CHURC1: variants seen among roughly 807,000 people sequenced by gnomAD.
CHURC1 encodes churchill domain containing 1.
CHURC1 carries 12 observed loss-of-function variants against 15.4 expected under a neutral mutation model. That is an observed-to-expected ratio of 0.78 (90% CI 0.50 to 1.27). CHURC1 has a LOEUF of 1.27. CHURC1 is among the 50% of genes most tolerant of loss of function. The probability of loss-of-function intolerance (pLI) is 0.00; values close to 1 mark genes in which losing one functional copy is unlikely to be tolerated. For synonymous variants in CHURC1, 42 were observed against 47.5 expected (o/e 0.88, Z 0.48); for missense variants, 132 against 137.8 (o/e 0.96, Z 0.21).
intron 1 of CHURC1, among the ~76,000 whole-genome samples, chr14:64,917,108 G>T (rs1214381751): frequency 6.6e-6 from 1 of 152,216 alleles, no homozygotes; most frequent in Admixed American, 6.5e-5. Context: ...CAACAGTGGT[G>T]TAGGCATGAG....
chr14:64,926,366 T>C lies in CHURC1; in HGVS notation c.246+286T>C, dbSNP rs536947397. Among the ~76,000 whole-genome samples the C allele has an allele frequency of 2.6e-5, 4 of 152,220 alleles. No homozygotes were observed. In the South Asian group the frequency reaches 8.3e-4, roughly 32 times the overall value. Reference sequence around the variant, plus strand: ...CAGCCCCATGCCTTTCTTATATCTGTGCAAGTTGAGAGACAGACTTTAGAT... The same window carrying C: ...CAGCCCCATGCCTTTCTTATATCTGCGCAAGTTGAGAGACAGACTTTAGAT... On this transcript the variant is annotated intron_variant, in intron 3 of 3. Transcript: ENST00000549115.
intron 3 of CHURC1, among the ~76,000 whole-genome samples, chr14:64,931,294 G>T (rs966902605): frequency 2.6e-5 from 4 of 152,200 alleles, no homozygotes; most frequent in Non-Finnish European, 4.4e-5. Context: ...GTCACTTTGG[G>T]AGGCCAAGGT....
chr14:64,927,055 C>T (rs1023061754), intron 3 of CHURC1, among the ~76,000 whole-genome samples: 8 of 152,000 alleles, frequency 5.3e-5, no homozygotes, highest in Admixed American at 2.6e-4. Flanking sequence ...TTTTAACAGC[C>T]GAGAGAATTT....
intron 3 of CHURC1, among the ~76,000 whole-genome samples, chr14:64,929,464 C>T (rs1331991018): frequency 1.3e-5 from 2 of 152,292 alleles, no homozygotes; most frequent in South Asian, 2.1e-4. Context: ...CACAAGAACC[C>T]TCCATTCTCA....
Position 64,934,938 on chromosome 14 carries a change from TA to T in CHURC1, c.*2709del. 1.0e-6 allele frequency: 1 copy of T among 984,432 alleles called. No homozygotes were observed. Among genetic ancestry groups the T allele is most frequent in the East Asian group, 1.1e-4 (1 of 8,816 alleles). The allele number at this position is 984,432 out of a possible 1,614,324, so 61.0% of individuals were successfully genotyped here. A position where few individuals can be genotyped will look rare whatever the true frequency, so the allele number is the denominator to read the frequency against. On this transcript the variant is annotated 3_prime_UTR_variant, in exon 4 of 4. Coordinates refer to ENST00000549115, the MANE Select transcript of CHURC1 (RefSeq NM_001386928.1). Reference sequence around the variant, plus strand: ...ACCCACATTGTGCTGTGTTTTGTGATATTTTATCATTTTCTAGATTCTTATG... The same window carrying T: ...ACCCACATTGTGCTGTGTTTTGTGATTTTTATCATTTTCTAGATTCTTATG...
chr14:64,930,675 G>C, intron 3 of CHURC1: 1 of 360,820 alleles, frequency 2.8e-6, no homozygotes, highest in Non-Finnish European at 5.4e-6. Flanking sequence ...ACATTGCAGA[G>C]CATGTAGGCA....
intron 3 of CHURC1, among the ~76,000 whole-genome samples, chr14:64,931,237 A>G (rs1885060281): frequency 6.6e-6 from 1 of 152,206 alleles, no homozygotes; most frequent in African/African-American, 2.4e-5. Flanking sequence ...GGAAAGCTAT[A>G]AGAATAGGAC....
At position 64,933,494 on chromosome 14, in the gene CHURC1, A is replaced by G; in HGVS notation, c.*1264A>G. 1.0e-6 allele frequency: 1 copy of G among 984,858 alleles called. No individual in the cohort carries two copies. Among genetic ancestry groups the G allele is most frequent in the Non-Finnish European group, 1.2e-6 (1 of 829,356 alleles). The allele number at this position is 984,858 out of a possible 1,614,324, so 61.0% of individuals were successfully genotyped here. On this transcript the variant is annotated 3_prime_UTR_variant, in exon 4 of 4. Transcript: ENST00000549115. ...GCCATTTAGTAGCAGTATAGTCATT[A>G]AGCAAAGCATTACTCTGGACTTTAT...
rs1245588041 is a variant in CHURC1 at position 64,934,529 on chromosome 14, T to C, written c.*2299T>C. ...GACAGTACTCTGAGGCATCTGGGCA[T>C]GTCAGATGAAGATTTATTATTCAGA... is the stretch of plus-strand genomic sequence containing the variant. On this transcript the variant is annotated 3_prime_UTR_variant, in exon 4 of 4. Coordinates refer to ENST00000549115, the MANE Select transcript of CHURC1 (RefSeq NM_001386928.1). The C allele has an allele frequency of 1.0e-6, 1 of 985,286 alleles. No individual in the cohort carries two copies. The highest frequency in any genetic ancestry group is 1.2e-6 in the Non-Finnish European group (1 of 829,874). 61.0% of individuals were successfully genotyped at this position (985,286 alleles called of 1,614,324 possible). A position where few individuals can be genotyped will look rare whatever the true frequency, so the allele number is the denominator to read the frequency against.
Position 64,935,195 on chromosome 14 carries a change from G to A in CHURC1, c.*2965G>A, listed in dbSNP as rs1242370865. On this transcript the variant is annotated 3_prime_UTR_variant, in exon 4 of 4. Coordinates refer to ENST00000549115, the MANE Select transcript of CHURC1 (RefSeq NM_001386928.1). ...TCTAGGGACTGTTGTGGGGTGAGGG[G>A]AGGGGTGAGGGATAGCATTAGGAGA... The A allele has an allele frequency of 4.2e-6, 1 of 239,738 alleles. No homozygotes were observed. The highest frequency in any genetic ancestry group is 6.7e-6 in the Non-Finnish European group (1 of 148,638). 14.9% of individuals were successfully genotyped at this position (239,738 alleles called of 1,614,324 possible). A position where few individuals can be genotyped will look rare whatever the true frequency, so the allele number is the denominator to read the frequency against.
chr14:64,933,983 G>T lies in CHURC1; in HGVS notation c.*1753G>T. 1.0e-6 allele frequency: 1 copy of T among 985,328 alleles called. No homozygotes were observed. Among genetic ancestry groups the T allele is most frequent in the Non-Finnish European group, 1.2e-6 (1 of 829,858 alleles). 61.0% of individuals were successfully genotyped at this position (985,328 alleles called of 1,614,324 possible). On this transcript the variant is annotated 3_prime_UTR_variant, in exon 4 of 4. Transcript: ENST00000549115. Reference sequence around the variant, plus strand: ...GTTATTTGTAAGTTATCATGAAAAGGTTTATATTCACTATTCTTTATTTCA... The same window carrying T: ...GTTATTTGTAAGTTATCATGAAAAGTTTTATATTCACTATTCTTTATTTCA...
intron 1 of CHURC1, among the ~76,000 whole-genome samples, chr14:64,922,573 G>A (rs1383910595): frequency 1.3e-4 from 12 of 89,922 alleles, no homozygotes; most frequent in East Asian, 1.1e-3. Context: ...GCGAGACTCC[G>A]TCTCAAAAAA....
rs976894472 is a variant in CHURC1 at position 64,932,742 on chromosome 14, A to T, written c.*512A>T. 1 of 152,568 alleles carries T rather than the reference A, an allele frequency of 6.6e-6. No homozygotes were observed. Among genetic ancestry groups the T allele is most frequent in the African/African-American group, 2.4e-5 (1 of 41,458 alleles). The allele number at this position is 152,568 out of a possible 1,614,324, so 9.5% of individuals were successfully genotyped here. On this transcript the variant is annotated 3_prime_UTR_variant, in exon 4 of 4. Transcript: ENST00000549115. The stretch of plus-strand genomic sequence containing the variant: ...AGCAATTTGAGTAACAAAATAAAGT[A>T]GTATTGGGTTATAACCCAAACTATA...
chr14:64,929,609 A>G (rs1884961044), intron 3 of CHURC1, among the ~76,000 whole-genome samples: 1 of 152,208 alleles, frequency 6.6e-6, no homozygotes, highest in African/African-American at 2.4e-5. Flanking sequence ...AGATTTAAAC[A>G]TAGTCCAAAG....
rs1321259321 is a variant in CHURC1 at position 64,933,978 on chromosome 14, A to G, written c.*1748A>G. 6 of 985,326 alleles carry G rather than the reference A, an allele frequency of 6.1e-6. No homozygotes were observed. In the East Asian group the frequency reaches 5.7e-4, roughly 93 times the overall value. The allele number at this position is 985,326 out of a possible 1,614,324, so 61.0% of individuals were successfully genotyped here. On this transcript the variant is annotated 3_prime_UTR_variant, in exon 4 of 4. Coordinates refer to ENST00000549115, the MANE Select transcript of CHURC1 (RefSeq NM_001386928.1). ...GGCTTGTTATTTGTAAGTTATCATG[A>G]AAAGGTTTATATTCACTATTCTTTA...
intron 3 of CHURC1, among the ~76,000 whole-genome samples, chr14:64,930,035 G>T (rs1884992231): frequency 6.6e-6 from 1 of 151,592 alleles, no homozygotes; most frequent in African/African-American, 2.4e-5. Context: ...GCCAGGGAAG[G>T]AGAAGACTTG....
chr14:64,920,416 G>A (rs1884197886), intron 1 of CHURC1, among the ~76,000 whole-genome samples: 1 of 152,180 alleles, frequency 6.6e-6, no homozygotes, highest in African/African-American at 2.4e-5. Context: ...AATAATGTGT[G>A]CTTTAGTTTA....
Position 64,933,611 on chromosome 14 carries a change from A to C in CHURC1, c.*1381A>C. 1.0e-6 allele frequency: 1 copy of C among 984,106 alleles called. No homozygotes were observed. The highest frequency in any genetic ancestry group is 4.7e-5 in the South Asian group (1 of 21,276). The allele number at this position is 984,106 out of a possible 1,614,324, so 61.0% of individuals were successfully genotyped here. Reference sequence around the variant, plus strand: ...AGATTTAAATGAATTAGTGAATGTAAGATACTTTAGAAAGCATGTAAAGTA... The same window carrying C: ...AGATTTAAATGAATTAGTGAATGTACGATACTTTAGAAAGCATGTAAAGTA... On this transcript the variant is annotated 3_prime_UTR_variant, in exon 4 of 4. Coordinates refer to ENST00000549115, the MANE Select transcript of CHURC1 (RefSeq NM_001386928.1).
chr14:64,916,514 A>G (rs1190172015), intron 1 of CHURC1, among the ~76,000 whole-genome samples: 1 of 152,208 alleles, frequency 6.6e-6, no homozygotes. Context: ...ATGAGCTATT[A>G]TGAGACCATG....
Sources: gnomAD v4.1 joint callset for allele counts (sites outside exome capture counted in the v4.1 genomes callset) on GRCh38, gnomAD v4.1.1 for gene constraint, MANE v1.5 for transcripts, NCBI Gene and HGNC (gene_info 2026-07-23, HGNC 2026-07-21) for gene names.